Variants in ANK2 observed in about 807,000 individuals in gnomAD.
The protein encoded by ANK2 is ankyrin 2, also known as ankyrin-2.
A neutral mutation model predicts 360.5 loss-of-function variants in ANK2; 83 were observed. The ratio of observed to expected loss-of-function variants is 0.23; its 90% CI spans 0.19 to 0.28. The LOEUF is 0.28. Among genes scored for constraint, ANK2 ranks in the 10% least tolerant of loss-of-function variants. The pLI is 1.00. For synonymous variants in ANK2, 1,740 were observed against 1,759.5 expected (o/e 0.99, Z 0.28); for missense variants, 4,201 against 4,795.7 (o/e 0.88, Z 3.66).
At chr4:113,063,050 G>A (rs900792046) in intron 1 of ANK2, among the ~76,000 whole-genome samples, 2 of 152,018 alleles carry the variant, frequency 1.3e-5, no homozygotes, top group African/African-American at 4.8e-5. Context: ...ATGTTCCACA[G>A]CGTAATATCT....
chr4:113,059,555 G>T (rs995649608), intron 1 of ANK2, among the ~76,000 whole-genome samples: 3 of 152,012 alleles, frequency 2.0e-5, no homozygotes, highest in African/African-American at 4.8e-5. Flanking sequence ...TATCATAATG[G>T]TTCATACGGC....
chr4:113,223,597 GA>G (rs1016079016), intron 4 of ANK2, among the ~76,000 whole-genome samples: 1 of 152,094 alleles, frequency 6.6e-6, no homozygotes. Context: ...TACAAAATCT[GA>G]AAATAAATGT....
chr4:112,777,659 C>T, the ANK2 span, among the ~76,000 whole-genome samples: 2 of 144,696 alleles, frequency 1.4e-5, no homozygotes, highest in Non-Finnish European at 1.5e-5. Context: ...GCTCTGTCAC[C>T]CAGGCTGGAG....
intron 1 of ANK2, among the ~76,000 whole-genome samples, chr4:112,893,346 A>G (rs1054252832): frequency 2.0e-5 from 3 of 152,038 alleles, no homozygotes; most frequent in Admixed American, 2.0e-4. Context: ...ATTTTTTCCT[A>G]AAGATGAGGT....
intron 30 of ANK2, 166 bp from the exon 31 acceptor site, chr4:113,336,411 C>A: frequency 2.9e-6 from 2 of 696,660 alleles, no homozygotes; most frequent in Non-Finnish European, 4.6e-6. Flanking sequence ...TTTATGAGTG[C>A]TTAGTAATAA....
At chr4:113,283,134 C>T (rs376046399) in intron 18 of ANK2, among the ~76,000 whole-genome samples, 28 of 152,262 alleles carry the variant, frequency 1.8e-4, no homozygotes, top group Admixed American at 1.1e-3. Context: ...TCTACATCCC[C>T]GCTTTCCTTG....
At chr4:112,769,555 C>A in the ANK2 span, among the ~76,000 whole-genome samples, 1 of 152,166 alleles carries the variant, frequency 6.6e-6, no homozygotes, top group East Asian at 1.9e-4. Context: ...AGAATCATTC[C>A]TTTCCATCAG....
intron 1 of ANK2, among the ~76,000 whole-genome samples, chr4:113,131,869 A>G (rs2096058833): frequency 6.6e-6 from 1 of 152,230 alleles, no homozygotes; most frequent in Admixed American, 6.5e-5. Context: ...TAGAAGATTC[A>G]GGGATAAAAA....
At chr4:113,056,076 T>G (rs1337834895) in intron 1 of ANK2, among the ~76,000 whole-genome samples, 1 of 152,204 alleles carries the variant, frequency 6.6e-6, no homozygotes. Context: ...GCTATGTTGT[T>G]GTAGATGTAT....
At chr4:113,035,971 T>C (rs964412568) in intron 2 of ANK2, among the ~76,000 whole-genome samples, 5 of 151,916 alleles carry the variant, frequency 3.3e-5, no homozygotes, top group African/African-American at 1.2e-4. Context: ...GTTTTTCAGG[T>C]CTAAATAATT....
intron 1 of ANK2, among the ~76,000 whole-genome samples, chr4:112,877,163 T>C (rs76118048): frequency 0.011 from 1,628 of 152,278 alleles, 37 homozygotes; most frequent in Admixed American, 0.044. Context: ...GCTATTTTAC[T>C]TTATCATCTA....
At chr4:113,177,477 G>A (rs28708505) in intron 2 of ANK2, among the ~76,000 whole-genome samples, 71,668 of 152,024 alleles carry the variant, frequency 0.47, 17,415 homozygotes, top group African/African-American at 0.59. Flanking sequence ...CAATGAAACC[G>A]TTAGTTCATT....
chr4:113,062,088 A>G lies in ANK2; in HGVS notation c.84+12276A>G, dbSNP rs191743960. Among the ~76,000 whole-genome samples, 531 of 152,248 alleles carry G rather than the reference A, an allele frequency of 3.5e-3. 6 individuals carry two copies. The highest frequency in any genetic ancestry group is 9.3e-3 in the Admixed American group (142 of 15,274). ...TTTATTATACACTGTCTTCATTCTA[A>G]AAACCTAAGGCCATGCCCTGTACAG... On this transcript the variant is annotated intron_variant, in intron 1 of 45. Transcript: ENST00000357077.
chr4:113,122,542 AGT>A (rs776752470), intron 1 of ANK2, among the ~76,000 whole-genome samples: 50 of 152,250 alleles, frequency 3.3e-4, no homozygotes, highest in Non-Finnish European at 6.8e-4. Context: ...CCCCTTCATC[AGT>A]ATGTCAGTAT....
chr4:112,765,001 C>A, the ANK2 span, among the ~76,000 whole-genome samples: 2 of 152,130 alleles, frequency 1.3e-5, no homozygotes, highest in Non-Finnish European at 2.9e-5. Flanking sequence ...CCACCGTGCC[C>A]GGCAATGCTA....
chr4:112,995,582 A>T (rs1303102813), intron 2 of ANK2, among the ~76,000 whole-genome samples: 3 of 152,128 alleles, frequency 2.0e-5, no homozygotes, highest in Non-Finnish European at 4.4e-5. Context: ...TGCTGTGCAG[A>T]AGCTCTTTAG....
intron 1 of ANK2, among the ~76,000 whole-genome samples, chr4:113,116,471 A>C (rs113209962): frequency 7.2e-5 from 11 of 152,310 alleles, no homozygotes; most frequent in African/African-American, 2.4e-4. Flanking sequence ...TAAATGGTAC[A>C]GTGAGGACCC....
chr4:113,338,654 A>C (rs1588550507), intron 31 of ANK2, among the ~76,000 whole-genome samples: 2 of 142,150 alleles, frequency 1.4e-5, no homozygotes, highest in East Asian at 4.2e-4. Flanking sequence ...GGTTCACGCC[A>C]TTCTCCTGCC....
chr4:113,113,081 C>T (rs1465570468), intron 1 of ANK2, among the ~76,000 whole-genome samples: 2 of 152,148 alleles, frequency 1.3e-5, no homozygotes, highest in African/African-American at 4.8e-5. Context: ...ACTCATTAGT[C>T]CCAAAAAACA....
Sources: gnomAD v4.1 joint callset for allele counts (sites outside exome capture counted in the v4.1 genomes callset) on GRCh38, gnomAD v4.1.1 for gene constraint, MANE v1.5 for transcripts, NCBI Gene and HGNC (gene_info 2026-07-23, HGNC 2026-07-21) for gene names.